QKI: variants seen among roughly 807,000 people sequenced by gnomAD.
QKI encodes the protein KH domain-containing RNA-binding protein QKI.
QKI carries 10 observed loss-of-function variants against 39.0 expected under a neutral mutation model. The ratio of observed to expected loss-of-function variants is 0.26; its 90% confidence interval spans 0.16 to 0.43. The LOEUF is 0.43. QKI is among the 20% of genes least tolerant of loss of function. The pLI, the probability that QKI is intolerant of heterozygous loss-of-function variation, is 1.00. For synonymous variants in QKI, 204 were observed against 155.4 expected, an observed-to-expected ratio of 1.31 and a Z score of -2.33; for missense variants, 218 against 428.0, an observed-to-expected ratio of 0.51 and a Z score of 4.33.
At chr6:163,416,391 CTG>C (rs894496866) in intron 1 of QKI, 2 of 161,972 alleles carry the variant, frequency 1.2e-5, no homozygotes, top group African/African-American at 2.4e-5. Context: ...CAAAAAAAGT[CTG>C]TTTCGAAAAT....
chr6:163,423,446 C>G (rs1788163683), intron 1 of QKI: 1 of 152,196 alleles, frequency 6.6e-6, no homozygotes, highest in South Asian at 2.1e-4. Context: ...GGTGCAAAGA[C>G]AAGTGGGCAG....
chr6:163,429,940 T>C (rs951525649), intron 1 of QKI, among the ~76,000 whole-genome samples: 1 of 152,104 alleles, frequency 6.6e-6, no homozygotes, highest in Non-Finnish European at 1.5e-5. Flanking sequence ...AATAGAAACA[T>C]ACCAAGAAGA....
intron 6 of QKI, chr6:163,564,555 A>AT: frequency 5.1e-6 from 8 of 1,575,638 alleles, no homozygotes; most frequent in Non-Finnish European, 6.0e-6. Flanking sequence ...AAATCACTGA[A>AT]TTCAGAATCT....
chr6:163,431,125 T>C (rs138323007), intron 1 of QKI, among the ~76,000 whole-genome samples: 1 of 152,254 alleles, frequency 6.6e-6, no homozygotes, highest in East Asian at 1.9e-4. Context: ...AATAATTGTT[T>C]GGGAATCTTA....
chr6:163,474,701 G>A (rs961097745), intron 2 of QKI, among the ~76,000 whole-genome samples: 1 of 151,378 alleles, frequency 6.6e-6, no homozygotes, highest in Non-Finnish European at 1.5e-5. Context: ...AGGCACTGGG[G>A]TGGAGTGGGG....
At position 163,575,832 on chromosome 6, in the gene QKI, TC is replaced by T. The variant is rs2128254543; in HGVS notation, c.*5123del. On this transcript the variant is annotated 3_prime_UTR_variant, in exon 8 of 8. Coordinates refer to ENST00000361752, the MANE Select transcript of QKI (RefSeq NM_006775.3). ...TGTATATATATATGTCATAACACTT[TC>T]ACGTGTGACAGCCTAAGGTTTCTTT... 1 of 152,280 alleles carries T rather than the reference TC, an allele frequency of 6.6e-6. No homozygotes were observed. Among genetic ancestry groups the T allele is most frequent in the East Asian group, 1.9e-4 (1 of 5,182 alleles). 9.4% of individuals were successfully genotyped at this position (152,280 alleles called of 1,614,324 possible). A position where few individuals can be genotyped will look rare whatever the true frequency, so the allele number is the denominator to read the frequency against.
At chr6:163,504,841 CT>C (rs947893016) in intron 3 of QKI, among the ~76,000 whole-genome samples, 22 of 152,200 alleles carry the variant, frequency 1.4e-4, no homozygotes, top group African/African-American at 5.3e-4. Context: ...TTCTTTCTTT[CT>C]TTTACCTGGT....
At chr6:163,507,768 A>G (rs1779192357) in intron 3 of QKI, among the ~76,000 whole-genome samples, 1 of 152,192 alleles carries the variant, frequency 6.6e-6, no homozygotes, top group African/African-American at 2.4e-5. Flanking sequence ...CAAAAGAAAA[A>G]AATTCGTCAA....
Position 163,455,459 on chromosome 6 carries a change from C to T in QKI, c.285+38C>T, listed in dbSNP as rs936381803. 4 of 1,566,172 alleles carry T rather than the reference C, an allele frequency of 2.6e-6. No individual in the cohort carries two copies. The African/African-American group carries it at 5.4e-5, about 21-fold the overall frequency. ...TGTTGTTTTATTCAATTTTGTTCTG[C>T]TTCACATATGTTGGGAAGAGATATA... On this transcript the variant is annotated intron_variant, in intron 2 of 7. Transcript: ENST00000361752.
intron 3 of QKI, among the ~76,000 whole-genome samples, chr6:163,501,897 C>A (rs1377654782): frequency 6.6e-6 from 1 of 152,118 alleles, no homozygotes; most frequent in African/African-American, 2.4e-5. Context: ...TTTATTTTTT[C>A]CAGCTGTTTG....
chr6:163,564,193 A>G lies in QKI; in HGVS notation c.934+474A>G, dbSNP rs1192446026. On this transcript the variant is annotated intron_variant, in intron 6 of 7. Coordinates refer to ENST00000361752, the MANE Select transcript of QKI (RefSeq NM_006775.3). The stretch of plus-strand genomic sequence containing the variant: ...TTGTGTGTGTTTTGTAATATTTGCG[A>G]TCACTTAAAATATCAGATAAATACA... The G allele has an allele frequency of 3.9e-6, 4 of 1,019,964 alleles. No individual in the cohort carries two copies. The African/African-American group carries it at 6.9e-5, about 18-fold the overall frequency. The allele number at this position is 1,019,964 out of a possible 1,614,324, so 63.2% of individuals were successfully genotyped here.
chr6:163,529,480 A>G (rs1780716102), intron 3 of QKI, among the ~76,000 whole-genome samples: 1 of 152,180 alleles, frequency 6.6e-6, no homozygotes, highest in Non-Finnish European at 1.5e-5. Context: ...AAACTTTCTA[A>G]TAGCTAGAAA....
chr6:163,494,220 G>A (rs987083382), intron 3 of QKI, among the ~76,000 whole-genome samples: 1 of 152,124 alleles, frequency 6.6e-6, no homozygotes, highest in Non-Finnish European at 1.5e-5. Context: ...TAGTCTTTGC[G>A]TTGTATTCAG....
At chr6:163,503,569 T>C (rs1214772218) in intron 3 of QKI, among the ~76,000 whole-genome samples, 2 of 152,136 alleles carry the variant, frequency 1.3e-5, no homozygotes, top group African/African-American at 4.8e-5. Flanking sequence ...CTCTTTAGTT[T>C]AATTAAGTCC....
At chr6:163,457,030 A>G (rs990122408) in intron 2 of QKI, among the ~76,000 whole-genome samples, 1 of 152,160 alleles carries the variant, frequency 6.6e-6, no homozygotes, top group Non-Finnish European at 1.5e-5. Context: ...AGGTATTAGG[A>G]TTATTCCTAG....
At chr6:163,478,382 T>C (rs1221243228) in intron 2 of QKI, among the ~76,000 whole-genome samples, 1 of 152,146 alleles carries the variant, frequency 6.6e-6, no homozygotes, top group Non-Finnish European at 1.5e-5. Flanking sequence ...GAAAGGGCAG[T>C]GCCTAACAAT....
At chr6:163,537,121 T>C (rs1781253930) in intron 4 of QKI, among the ~76,000 whole-genome samples, 2 of 152,144 alleles carry the variant, frequency 1.3e-5, no homozygotes, top group Non-Finnish European at 2.9e-5. Flanking sequence ...TGTGGAAGGA[T>C]CGCTGAGGCC....
chr6:163,568,648 T>C (rs1783519633), intron 7 of QKI: 1 of 975,490 alleles, frequency 1.0e-6, no homozygotes, highest in Non-Finnish European at 1.2e-6. Flanking sequence ...TAAAAAAATA[T>C]TTTGAAGAGA....
At chr6:163,529,162 T>C (rs1305585880) in intron 3 of QKI, among the ~76,000 whole-genome samples, 1 of 152,118 alleles carries the variant, frequency 6.6e-6, no homozygotes, top group African/African-American at 2.4e-5. Flanking sequence ...AAAATTGTCA[T>C]GTACACCTGG....
Sources: allele counts gnomAD v4.1 joint callset (sites outside exome capture counted in the v4.1 genomes callset), GRCh38; gene constraint gnomAD v4.1.1; transcripts MANE v1.5; gene names NCBI Gene and HGNC (gene_info 2026-07-23, HGNC 2026-07-21).